L3MBTL4: variants seen among roughly 807,000 people sequenced by gnomAD.
L3MBTL4 encodes the protein lethal(3)malignant brain tumor-like protein 4.
In L3MBTL4, 70 loss-of-function variants were observed where a neutral mutation model predicts 84.5. The ratio of observed to expected loss-of-function variants is 0.83; its 90% CI spans 0.68 to 1.01. The LOEUF is 1.01. Ranked by LOEUF, L3MBTL4 falls within the 50% of genes least tolerant of loss-of-function variation. L3MBTL4 has a pLI of 0.00. For synonymous variants in L3MBTL4, 274 were observed against 259.8 expected (o/e 1.05, Z -0.52); for missense variants, 715 against 754.8 (o/e 0.95, Z 0.62).
intron 16 of L3MBTL4, among the ~76,000 whole-genome samples, chr18:6,071,808 AAAG>A (rs1379624971): frequency 7.4e-6 from 1 of 134,782 alleles, no homozygotes; most frequent in Non-Finnish European, 1.5e-5. Flanking sequence ...AAAGAAAAAG[AAAG>A]AAAGGAAAGA....
chr18:6,381,146 T>A (rs1474360090), intron 1 of L3MBTL4, among the ~76,000 whole-genome samples: 1 of 152,040 alleles, frequency 6.6e-6, no homozygotes, highest in Non-Finnish European at 1.5e-5. Flanking sequence ...CAACTCCTGC[T>A]TTTTTTATTT....
At chr18:6,200,212 A>C (rs2045592337) in intron 12 of L3MBTL4, among the ~76,000 whole-genome samples, 1 of 152,262 alleles carries the variant, frequency 6.6e-6, no homozygotes, top group Non-Finnish European at 1.5e-5. Flanking sequence ...ACAGTGAATA[A>C]GAAGATGCAA....
At chr18:6,216,482 T>A (rs2046332680) in intron 10 of L3MBTL4, among the ~76,000 whole-genome samples, 1 of 152,144 alleles carries the variant, frequency 6.6e-6, no homozygotes, top group Admixed American at 6.5e-5. Context: ...TTAGATTTAT[T>A]CATCAGCTCT....
At chr18:6,119,978 AATTTAAAC>A (rs2059475201) in intron 14 of L3MBTL4, among the ~76,000 whole-genome samples, 1 of 152,186 alleles carries the variant, frequency 6.6e-6, no homozygotes, top group South Asian at 2.1e-4. Flanking sequence ...AATTCAGGGA[AATTTAAAC>A]ATTTCACTCT....
At chr18:6,213,374 A>T in intron 11 of L3MBTL4, 115 bp from the exon 12 acceptor site, 2 of 577,600 alleles carry the variant, frequency 3.5e-6, no homozygotes, top group South Asian at 2.6e-5. Flanking sequence ...CTTCAATACA[A>T]CTGGAATTTA....
chr18:6,175,496 C>A (rs2145260808), intron 12 of L3MBTL4, among the ~76,000 whole-genome samples: 1 of 152,276 alleles, frequency 6.6e-6, no homozygotes, highest in South Asian at 2.1e-4. Context: ...ATGAAGAGTA[C>A]TAGCAACAGC....
chr18:6,144,425 G>A (rs1351572711), intron 13 of L3MBTL4, among the ~76,000 whole-genome samples: 1 of 152,078 alleles, frequency 6.6e-6, no homozygotes, highest in Non-Finnish European at 1.5e-5. Context: ...TACTCAGGCA[G>A]GAGTAAATCT....
chr18:6,244,303 T>A (rs1390176297), intron 6 of L3MBTL4, among the ~76,000 whole-genome samples, 181 bp downstream of exon 6: 1 of 152,132 alleles, frequency 6.6e-6, no homozygotes, highest in Non-Finnish European at 1.5e-5. Context: ...TTTTAGAAAA[T>A]TCATCTTCAG....
intron 4 of L3MBTL4, among the ~76,000 whole-genome samples, chr18:6,299,728 G>A (rs565900933): frequency 6.6e-6 from 1 of 152,222 alleles, no homozygotes; most frequent in African/African-American, 2.4e-5. Context: ...GGAGTGCAGG[G>A]ACAAGATCTT....
intron 15 of L3MBTL4, 61 bp downstream of exon 15, chr18:6,093,294 T>C (rs936309435): frequency 6.3e-5 from 81 of 1,294,088 alleles, no homozygotes; most frequent in Non-Finnish European, 8.1e-5. Flanking sequence ...ATTAACAAAA[T>C]TGTTCTTTTA....
Position 6,380,604 on chromosome 18 carries a change from A to G in L3MBTL4, c.-91+34197T>C, listed in dbSNP as rs1203317144. ...GTAGTCATTCGGGAGCAGGTTGTTC[A>G]GTTTCCATGTAGTTGTGCGGTTTTA... On this transcript the variant is annotated intron_variant, in intron 1 of 18. Transcript: ENST00000317931. Among the ~76,000 whole-genome samples, 11 of 152,188 alleles carry G rather than the reference A, an allele frequency of 7.2e-5. No homozygotes were observed. In the East Asian group the frequency reaches 2.1e-3, roughly 29 times the overall value.
chr18:6,191,419 C>T (rs773803926), intron 12 of L3MBTL4, among the ~76,000 whole-genome samples: 33 of 151,960 alleles, frequency 2.2e-4, no homozygotes, highest in African/African-American at 7.7e-4. Flanking sequence ...TTGACTTGAG[C>T]GATGGGAAAG....
In L3MBTL4 at chr18:6,332,905, A is replaced by G. The variant is rs183795108; in HGVS notation, c.-90-20849T>C. On this transcript the variant is annotated intron_variant, in intron 1 of 18. Coordinates refer to ENST00000317931, the MANE Select transcript of L3MBTL4 (RefSeq NM_001330559.2). Reference sequence around the variant, plus strand: ...GCAGTAGCAGCAGCAACAGTATGAGAATAGATGCTCTGTAAATAGTTCTCC... The same window carrying G: ...GCAGTAGCAGCAGCAACAGTATGAGGATAGATGCTCTGTAAATAGTTCTCC... Among the ~76,000 whole-genome samples the G allele has an allele frequency of 2.0e-5, 3 of 152,350 alleles. No homozygotes were observed. The East Asian group carries it at 5.8e-4, about 29-fold the overall frequency.
intron 16 of L3MBTL4, among the ~76,000 whole-genome samples, chr18:5,978,042 CA>C (rs2053031384): frequency 6.6e-6 from 1 of 152,204 alleles, no homozygotes; most frequent in Admixed American, 6.5e-5. Flanking sequence ...TGCGGTGTAG[CA>C]GGGGTGCTTA....
At chr18:6,183,270 A>T (rs974841402) in intron 12 of L3MBTL4, among the ~76,000 whole-genome samples, 7 of 152,184 alleles carry the variant, frequency 4.6e-5, no homozygotes, top group African/African-American at 1.4e-4. Context: ...CTCCTTCATA[A>T]CCAGTGTAAA....
At chr18:6,260,122 G>C (rs569963597) in intron 5 of L3MBTL4, 2 of 152,196 alleles carry the variant, frequency 1.3e-5, no homozygotes, top group South Asian at 2.1e-4. Flanking sequence ...TTATTTCTGG[G>C]CTCTTTATTC....
chr18:6,307,246 C>G (rs2050626802), intron 3 of L3MBTL4, among the ~76,000 whole-genome samples: 1 of 151,168 alleles, frequency 6.6e-6, no homozygotes, highest in Admixed American at 6.6e-5. Flanking sequence ...TGCTGGCCAA[C>G]ATGGTGAAAC....
intron 16 of L3MBTL4, among the ~76,000 whole-genome samples, chr18:6,012,667 T>A (rs373722654): frequency 2.7e-5 from 4 of 146,404 alleles, no homozygotes; most frequent in Non-Finnish European, 3.0e-5. Context: ...TCTACAAAAT[T>A]AAAAAAAAAA....
intron 16 of L3MBTL4, among the ~76,000 whole-genome samples, chr18:6,071,732 A>G (rs200980017): frequency 0.1 from 6,832 of 67,944 alleles, 271 homozygotes; most frequent in African/African-American, 0.16. Flanking sequence ...AAAGAAGGAA[A>G]GAAAGAAGGA....
Sources: gnomAD v4.1 joint callset for allele counts (sites outside exome capture counted in the v4.1 genomes callset) on GRCh38, gnomAD v4.1.1 for gene constraint, MANE v1.5 for transcripts, NCBI Gene and HGNC (gene_info 2026-07-23, HGNC 2026-07-21) for gene names.